Variants in HDAC4 observed in about 807,000 individuals in gnomAD.
HDAC4 encodes histone deacetylase A.
In HDAC4, 16 loss-of-function variants were observed where a neutral mutation model predicts 135.1. The observed-to-expected ratio is 0.12, with a 90% CI of 0.08 to 0.18. The LOEUF (loss-of-function observed/expected upper bound fraction) is 0.18. HDAC4 is among the 10% of genes least tolerant of loss of function. The probability of loss-of-function intolerance (pLI) is 1.00; values close to 1 mark genes in which losing one functional copy is unlikely to be tolerated. For synonymous variants in HDAC4, 685 were observed against 653.4 expected (o/e 1.05, Z -0.74); for missense variants, 1,143 against 1,511.8 (o/e 0.76, Z 4.05).
At chr2:239,359,455 C>T (rs763272468) in intron 1 of HDAC4, among the ~76,000 whole-genome samples, 1 of 152,214 alleles carries the variant, frequency 6.6e-6, no homozygotes, top group South Asian at 2.1e-4. Context: ...AATCTTGTGT[C>T]CTCTGCGCTG....
Position 239,088,835 on chromosome 2 carries a change from C to CT in HDAC4, c.2388+1173dup, listed in dbSNP as rs2036233702. 2.6e-5 allele frequency among the ~76,000 whole-genome samples: 4 copies of CT among 152,160 alleles called. No individual in the cohort carries two copies. In the South Asian group the frequency reaches 8.3e-4, roughly 31 times the overall value. On this transcript the variant is annotated intron_variant, in intron 18 of 26. Coordinates refer to ENST00000543185, the MANE Select transcript of HDAC4 (RefSeq NM_001378414.1). ...TGTGAGCCTGCTGGCTCTCTCACTA[C>CT]TTATAAGACTTCTGGTGAGATGGGG...
At chr2:239,075,854 T>C (rs1467489235) in intron 22 of HDAC4, among the ~76,000 whole-genome samples, 1 of 150,696 alleles carries the variant, frequency 6.6e-6, no homozygotes, top group Non-Finnish European at 1.5e-5. Context: ...CTCCCCTTGG[T>C]TTCCCGGGAA....
intron 1 of HDAC4, among the ~76,000 whole-genome samples, chr2:239,359,325 G>C (rs180950963): frequency 2.0e-5 from 3 of 152,322 alleles, no homozygotes; most frequent in African/African-American, 7.2e-5. Context: ...ATATACCCAT[G>C]TAACTCTATT....
rs1170041944 is a variant in HDAC4 at position 239,308,031 on chromosome 2, G to A, written c.22+44647C>T. 6.6e-6 allele frequency among the ~76,000 whole-genome samples: 1 copy of A among 152,164 alleles called. No homozygotes were observed. The highest frequency in any genetic ancestry group is 6.5e-5 in the Admixed American group (1 of 15,282). On this transcript the variant is annotated intron_variant, in intron 2 of 26. Coordinates refer to ENST00000543185, the MANE Select transcript of HDAC4 (RefSeq NM_001378414.1). This position sits in a 1 kb window ranked among gnomAD's most constrained non-coding sequence, Gnocchi z 4.2. Reference sequence around the variant, plus strand: ...GAGTGGCCACACAGCAACGAGCTGCGAGGAGCCAAGGATGGCCCATCCCAC... The same window carrying A: ...GAGTGGCCACACAGCAACGAGCTGCAAGGAGCCAAGGATGGCCCATCCCAC...
chr2:239,249,450 G>A (rs984947594), intron 2 of HDAC4, among the ~76,000 whole-genome samples: 4 of 152,206 alleles, frequency 2.6e-5, no homozygotes, highest in African/African-American at 4.8e-5. Flanking sequence ...AGAGACTTGA[G>A]TGGGGAGAAG....
intron 11 of HDAC4, among the ~76,000 whole-genome samples, chr2:239,133,523 G>A (rs2040739819): frequency 6.6e-6 from 1 of 152,202 alleles, no homozygotes; most frequent in Non-Finnish European, 1.5e-5. Context: ...CTGGAGTGCA[G>A]TGCCACCATC....
chr2:239,199,003 A>G (rs2045581992), intron 3 of HDAC4, among the ~76,000 whole-genome samples: 1 of 152,224 alleles, frequency 6.6e-6, no homozygotes, highest in Non-Finnish European at 1.5e-5. Context: ...GTGTCCCCAT[A>G]GTTTCATAAA....
At chr2:239,223,710 G>A (rs1272922164) in intron 3 of HDAC4, among the ~76,000 whole-genome samples, 1 of 152,086 alleles carries the variant, frequency 6.6e-6, no homozygotes, top group Admixed American at 6.5e-5. Context: ...ACTTTGAGCA[G>A]GACCTTGCTG....
chr2:239,094,248 C>T, intron 17 of HDAC4: 1 of 985,444 alleles, frequency 1.0e-6, no homozygotes, highest in South Asian at 4.7e-5. Flanking sequence ...ATTGCCACCC[C>T]TGCCCAGGCT....
chr2:239,124,837 GCGGCCGCGTTATATGACATTCTGGTGT>G, intron 12 of HDAC4, among the ~76,000 whole-genome samples: 1 of 135,826 alleles, frequency 7.4e-6, no homozygotes, highest in African/African-American at 2.7e-5. Flanking sequence ...GTGCTGGCGT[GCGGCCGCGTTATATGACATTCTGGTGT>G]GCTGGCGTGT....
intron 15 of HDAC4, among the ~76,000 whole-genome samples, chr2:239,105,651 G>A (rs558937362): frequency 2.0e-5 from 3 of 152,278 alleles, no homozygotes; most frequent in Non-Finnish European, 2.9e-5. Flanking sequence ...CCAGGCAGTC[G>A]TCTACCCAGA....
At chr2:239,388,342 A>G (rs1186723126) in intron 1 of HDAC4, among the ~76,000 whole-genome samples, 6 of 152,228 alleles carry the variant, frequency 3.9e-5, no homozygotes, top group African/African-American at 1.2e-4. Flanking sequence ...CTAATCCCAA[A>G]GCACATTCCT....
intron 3 of HDAC4, among the ~76,000 whole-genome samples, chr2:239,193,248 C>T (rs1358949714): frequency 6.6e-6 from 1 of 152,250 alleles, no homozygotes; most frequent in Non-Finnish European, 1.5e-5. Context: ...GCATCCCCCT[C>T]CATTTCTAAT....
intron 2 of HDAC4, among the ~76,000 whole-genome samples, chr2:239,324,000 C>T (rs1034670105): frequency 6.6e-6 from 1 of 152,174 alleles, no homozygotes; most frequent in Admixed American, 6.5e-5. Flanking sequence ...TGCATCTGAA[C>T]GGGACCACAT....
chr2:239,206,717 T>C (rs1319193619), intron 3 of HDAC4, among the ~76,000 whole-genome samples: 3 of 150,080 alleles, frequency 2.0e-5, no homozygotes, highest in Non-Finnish European at 2.9e-5. Context: ...GAGGACTTCA[T>C]GACAGGTGCC....
rs953909233 is a variant in HDAC4 at position 239,079,078 on chromosome 2, G to A, written c.2750+2017C>T. On this transcript the variant is annotated intron_variant, in intron 22 of 26. Coordinates refer to ENST00000543185, the MANE Select transcript of HDAC4 (RefSeq NM_001378414.1). ...CTTTGCTTTCAGAGAAGCCTCCAAGGGGGGCCAGTTCTCTGGGGTGACAAC... is the reference window on the plus strand; with the variant it reads ...CTTTGCTTTCAGAGAAGCCTCCAAGAGGGGCCAGTTCTCTGGGGTGACAAC... Among the ~76,000 whole-genome samples the A allele has an allele frequency of 7.9e-5, 12 of 152,212 alleles. No homozygotes were observed. The South Asian group carries it at 1.9e-3, about 24-fold the overall frequency.
intron 3 of HDAC4, among the ~76,000 whole-genome samples, chr2:239,218,450 C>T (rs1198019985): frequency 6.6e-6 from 1 of 150,700 alleles, no homozygotes; most frequent in Non-Finnish European, 1.5e-5. Flanking sequence ...TTCCTTACAT[C>T]TTATATAAAA....
intron 2 of HDAC4, among the ~76,000 whole-genome samples, chr2:239,302,116 C>A (rs1361432260): frequency 6.6e-6 from 1 of 152,132 alleles, no homozygotes; most frequent in African/African-American, 2.4e-5. Flanking sequence ...AATCAGAAAA[C>A]ATTCTCAGTA....
chr2:239,276,168 C>A (rs891354275), intron 2 of HDAC4, among the ~76,000 whole-genome samples: 2 of 152,226 alleles, frequency 1.3e-5, no homozygotes, highest in Non-Finnish European at 2.9e-5. Flanking sequence ...CTGGTGGCAA[C>A]GCAGAGAACC....
Sources: allele counts gnomAD v4.1 joint callset (sites outside exome capture counted in the v4.1 genomes callset), GRCh38; gene constraint gnomAD v4.1.1; non-coding constraint Gnocchi (gnomAD v3.1); transcripts MANE v1.5; gene names NCBI Gene and HGNC (gene_info 2026-07-23, HGNC 2026-07-21).